The following RYR2 variants were observed in gnomAD, a reference collection of about 807,000 sequenced individuals.
RYR2 encodes the protein ryanodine receptor 2.
In RYR2, 227 loss-of-function variants were observed where a neutral mutation model predicts 601.1. The ratio of observed to expected loss-of-function variants is 0.38; its 90% confidence interval spans 0.34 to 0.42. The LOEUF is 0.42. Among genes scored for constraint, RYR2 ranks in the 10% least tolerant of loss-of-function variants. The pLI is 1.00. For synonymous variants in RYR2, 2,223 were observed against 2,175.1 expected (o/e 1.02, Z -0.61); for missense variants, 4,646 against 6,156.5 (o/e 0.75, Z 8.21).
At chr1:237,043,638 C>G (rs1293994807) in intron 1 of RYR2, among the ~76,000 whole-genome samples, 2 of 152,196 alleles carry the variant, frequency 1.3e-5, no homozygotes, top group African/African-American at 2.4e-5. Context: ...CGTTCCTTCT[C>G]CACTTCTGTC....
At chr1:237,659,939 A>G in intron 54 of RYR2, 46 bp from the exon 55 acceptor site, 1 of 1,320,068 alleles carries the variant, frequency 7.6e-7, no homozygotes, top group Non-Finnish European at 1.1e-6. Flanking sequence ...ACAATCTCTA[A>G]AATTAACACG....
intron 1 of RYR2, among the ~76,000 whole-genome samples, chr1:237,207,350 G>T (rs1681932586): frequency 6.6e-6 from 1 of 152,200 alleles, no homozygotes; most frequent in Non-Finnish European, 1.5e-5. Context: ...TGGATCACTT[G>T]AGGGCAGGAG....
rs1678232270 is a variant in RYR2, at chr1:237,614,378, G to A, written c.5250G>A (p.Gly1750=). The A allele has an allele frequency of 6.2e-7, 1 of 1,613,998 alleles. No individual in the cohort carries two copies. Among genetic ancestry groups the A allele is most frequent in the Non-Finnish European group, 8.5e-7 (1 of 1,179,890 alleles). Residue 1750 remains glycine, a synonymous_variant, in exon 37 of 105, where the codon GGG becomes GGA. Transcript: ENST00000366574. This position sits in a 1 kb window ranked among gnomAD's most constrained non-coding sequence, Gnocchi z 4.3. The part of the protein sequence containing the change: ...PDENKKHGLP[G]IGLSTSLRPR... ...AGAACAAAAAACACGGCCTTCCAGG[G>A]ATCGGCCTCAGCACCTCCCTCAGGC...
Position 237,610,737 on chromosome 1 carries a change from C to G in RYR2, c.4684-25C>G, listed in dbSNP as rs764294836. Reference sequence around the variant, plus strand: ...CCCCAAGGGATGTTCTACATTTATTCTTTTTCTGCCTCCCCATCCGCTAGA... The same window carrying G: ...CCCCAAGGGATGTTCTACATTTATTGTTTTTCTGCCTCCCCATCCGCTAGA... On this transcript the variant is annotated intron_variant, in intron 35 of 104. Coordinates refer to ENST00000366574, the MANE Select transcript of RYR2 (RefSeq NM_001035.3). The surrounding 1 kb of genome is among the most constrained non-coding windows in gnomAD (Gnocchi z 4.9). 11 of 1,549,960 alleles carry G rather than the reference C, an allele frequency of 7.1e-6. No individual in the cohort carries two copies. The highest frequency in any genetic ancestry group is 8.8e-6 in the Non-Finnish European group (10 of 1,141,816).
chr1:237,434,371 AC>A (rs1448168294), intron 12 of RYR2, among the ~76,000 whole-genome samples: 1 of 152,206 alleles, frequency 6.6e-6, no homozygotes, highest in African/African-American at 2.4e-5. Flanking sequence ...TCAGAAAAAA[AC>A]TGAATAAAAT....
intron 74 of RYR2, among the ~76,000 whole-genome samples, chr1:237,725,357 C>T (rs915841081): frequency 2.0e-5 from 3 of 152,096 alleles, no homozygotes; most frequent in African/African-American, 7.2e-5. Context: ...TAATATCCCT[C>T]TGCTAATGAT....
Position 237,674,804 on chromosome 1 carries a change from A to G in RYR2, c.8788A>G (p.Ile2930Val), listed in dbSNP as rs1685254465. 6.2e-7 allele frequency: 1 copy of G among 1,611,790 alleles called. No individual in the cohort carries two copies. Among genetic ancestry groups the G allele is most frequent in the Non-Finnish European group, 8.5e-7 (1 of 1,178,290 alleles). Residue 2930 changes from isoleucine to valine, a missense_variant, in exon 60 of 105, where the codon ATT becomes GTT. Transcript: ENST00000366574. ...RFAYSFLQQL[I>V]RYVDEAHQYI... ...TGCCTATAGTTTCCTCCAACAACTCATTCGCTATGTGGATGAAGCCCATCA... is the reference window on the plus strand; with the variant it reads ...TGCCTATAGTTTCCTCCAACAACTCGTTCGCTATGTGGATGAAGCCCATCA...
chr1:237,100,676 G>A (rs1667990380), intron 1 of RYR2, among the ~76,000 whole-genome samples: 3 of 152,022 alleles, frequency 2.0e-5, no homozygotes, highest in South Asian at 2.1e-4. Context: ...ATGAGCCACC[G>A]TGCCTGGCCC....
Position 237,454,558 on chromosome 1 carries a change from A to G in RYR2, c.1460A>G (p.Asn487Ser), listed in dbSNP as rs2150218177. 6.2e-7 allele frequency: 1 copy of G among 1,612,986 alleles called. No homozygotes were observed. Among genetic ancestry groups the G allele is most frequent in the Non-Finnish European group, 8.5e-7 (1 of 1,179,460 alleles). The part of the protein sequence containing the change: ...NRLRALKNRQ[N>S]LFQEEGMINL... ...CTACGAGCCCTGAAGAATCGGCAAA[A>G]TCTCTTCCAGGAAGAGGTCCGTTTC... Residue 487 changes from asparagine (N) to serine (S), a missense_variant, in exon 15 of 105, where the codon AAT becomes AGT. Asn to Ser is a conservative substitution (Grantham distance 46). Around this residue, in one of 17 missense-constraint regions of RYR2, gnomAD observed 1,807 missense variants for 2,088.1 expected, o/e 0.87. Transcript: ENST00000366574.
intron 31 of RYR2, 135 bp from the exon 32 acceptor site, chr1:237,591,604 T>C: frequency 1.5e-6 from 1 of 685,334 alleles, no homozygotes. Context: ...AAACATGTAT[T>C]TTCAGATATT....
intron 2 of RYR2, among the ~76,000 whole-genome samples, chr1:237,294,206 A>C (rs1692519102): frequency 6.6e-6 from 1 of 152,170 alleles, no homozygotes; most frequent in South Asian, 2.1e-4. Context: ...GAACTGGGGA[A>C]GTGAGCAAGT....
intron 1 of RYR2, among the ~76,000 whole-genome samples, chr1:237,127,389 A>T (rs892449501): frequency 6.7e-6 from 1 of 149,540 alleles, no homozygotes; most frequent in Non-Finnish European, 1.5e-5. Context: ...CACCTCCCGG[A>T]CGGGGCGGCT....
At chr1:237,116,504 T>G (rs1670095405) in intron 1 of RYR2, among the ~76,000 whole-genome samples, 1 of 152,054 alleles carries the variant, frequency 6.6e-6, no homozygotes, top group Middle Eastern at 3.2e-3. Flanking sequence ...TCTATTTGCT[T>G]ACACACACAC....
intron 9 of RYR2, among the ~76,000 whole-genome samples, chr1:237,387,583 T>C (rs936162234): frequency 2.6e-5 from 4 of 152,232 alleles, no homozygotes; most frequent in African/African-American, 9.6e-5. Flanking sequence ...TCTTCCCTTA[T>C]TTTTATGCTA....
chr1:237,354,221 G>C (rs1297564552), intron 3 of RYR2, among the ~76,000 whole-genome samples: 1 of 152,060 alleles, frequency 6.6e-6, no homozygotes, highest in African/African-American at 2.4e-5. Flanking sequence ...TTGAAGAACT[G>C]TGTCTTTTGT....
At chr1:237,139,399 A>G (rs955691722) in intron 1 of RYR2, among the ~76,000 whole-genome samples, 1 of 152,196 alleles carries the variant, frequency 6.6e-6, no homozygotes, top group Non-Finnish European at 1.5e-5. Flanking sequence ...TGGGTGGCTA[A>G]GGGATGCAGA....
intron 10 of RYR2, among the ~76,000 whole-genome samples, chr1:237,393,143 A>C (rs1357793395): frequency 3.3e-5 from 5 of 152,052 alleles, no homozygotes; most frequent in Non-Finnish European, 7.4e-5. Flanking sequence ...GTGGGGAGAG[A>C]AGGAGAGAAA....
intron 3 of RYR2, among the ~76,000 whole-genome samples, chr1:237,355,571 C>T (rs1016364084): frequency 6.6e-6 from 1 of 152,120 alleles, no homozygotes; most frequent in African/African-American, 2.4e-5. Flanking sequence ...TGTAGTTAGA[C>T]ACTATGTCTC....
intron 28 of RYR2, among the ~76,000 whole-genome samples, chr1:237,567,951 T>G (rs532053316): frequency 6.7e-5 from 10 of 149,230 alleles, no homozygotes; most frequent in Admixed American, 6.1e-4. Flanking sequence ...AATAGAAAAA[T>G]TTAACACTTT....
Sources: gnomAD v4.1 joint callset for allele counts (sites outside exome capture counted in the v4.1 genomes callset) on GRCh38, gnomAD v4.1.1 for gene constraint, gnomAD v4.1.1 regional missense constraint, Gnocchi (gnomAD v3.1) non-coding constraint, MANE v1.5 for transcripts, NCBI Gene and HGNC (gene_info 2026-07-23, HGNC 2026-07-21) for gene names.